Variants in ADAM18 observed in about 807,000 individuals in gnomAD.
ADAM18 encodes the protein disintegrin and metalloproteinase domain-containing protein 18.
ADAM18 carries 117 observed loss-of-function variants against 94.4 expected under a neutral mutation model. The ratio of observed to expected loss-of-function variants is 1.24; its 90% CI spans 1.07 to 1.45. The LOEUF (loss-of-function observed/expected upper bound fraction) is 1.45. Ranked by LOEUF, ADAM18 falls within the 40% of genes most tolerant of loss-of-function variation. The pLI is 0.00. For synonymous variants in ADAM18, 327 were observed against 291.6 expected (o/e 1.12, Z -1.24); for missense variants, 936 against 880.0 (o/e 1.06, Z -0.81).
At chr8:39,699,997 A>G (rs929351747) in intron 17 of ADAM18, among the ~76,000 whole-genome samples, 2 of 152,198 alleles carry the variant, frequency 1.3e-5, no homozygotes, top group Admixed American at 1.3e-4. Flanking sequence ...CTGGACACTC[A>G]GAGTGCATAG....
chr8:39,630,466 A>G (rs1450123260), intron 7 of ADAM18, among the ~76,000 whole-genome samples: 1 of 151,800 alleles, frequency 6.6e-6, no homozygotes, highest in Admixed American at 6.6e-5. Flanking sequence ...GAAAGTCTTC[A>G]TAGAATAGAT....
At chr8:39,654,218 C>T (rs1585943901) in intron 12 of ADAM18, among the ~76,000 whole-genome samples, 1 of 135,150 alleles carries the variant, frequency 7.4e-6, no homozygotes, top group African/African-American at 3.1e-5. Context: ...AGTGCAGTGG[C>T]GCGATCTCAG....
In ADAM18 at chr8:39,723,838, T is replaced by C; in HGVS notation, c.2108T>C (p.Phe703Ser). The change falls in exon 19 of 20, where the codon TTC becomes TCC. Residue 703 changes from phenylalanine (F) to serine (S), a missense_variant. Phe to Ser is a radical substitution (Grantham distance 155). Transcript: ENST00000265707. ...ATTTTTCTGCCGTTTTTCATAGTTTTCACCACTGTGATCTTTAAAAGAAAT... is the reference window on the plus strand; with the variant it reads ...ATTTTTCTGCCGTTTTTCATAGTTTCCACCACTGTGATCTTTAAAAGAAAT... ...FCIFLPFFIVFTTVIFKRNEI... is the reference protein window; with the variant it reads ...FCIFLPFFIVSTTVIFKRNEI... 3 of 1,585,124 alleles carry C rather than the reference T, an allele frequency of 1.9e-6. No individual in the cohort carries two copies. The highest frequency in any genetic ancestry group is 2.6e-6 in the Non-Finnish European group (3 of 1,164,536).
intron 14 of ADAM18, among the ~76,000 whole-genome samples, chr8:39,671,285 G>GTA (rs1388590106): frequency 1.3e-5 from 2 of 152,208 alleles, no homozygotes; most frequent in African/African-American, 4.8e-5. Flanking sequence ...ATACTTGTAA[G>GTA]AGAGAATACA....
At chr8:39,708,553 C>T (rs1379893386) in intron 18 of ADAM18, among the ~76,000 whole-genome samples, 1 of 152,170 alleles carries the variant, frequency 6.6e-6, no homozygotes, top group Non-Finnish European at 1.5e-5. Flanking sequence ...GATGGCATAA[C>T]ATTTATGCTT....
At chr8:39,723,179 AC>A (rs35859641) in intron 18 of ADAM18, among the ~76,000 whole-genome samples, 37,972 of 150,138 alleles carry the variant, frequency 0.25, 4,952 homozygotes, top group South Asian at 0.34. Context: ...TATTAAAAAA[AC>A]AAAGGTAATA....
intron 7 of ADAM18, among the ~76,000 whole-genome samples, chr8:39,636,980 C>A (rs1345815433): frequency 6.8e-6 from 1 of 146,334 alleles, no homozygotes. Flanking sequence ...ACAGGACAAC[C>A]ATATTCAAGG....
intron 17 of ADAM18, among the ~76,000 whole-genome samples, chr8:39,700,202 G>C (rs1451737): frequency 0.02 from 3,096 of 152,214 alleles, 105 homozygotes; most frequent in African/African-American, 0.071. Context: ...ATCACATAAT[G>C]ACTAGAAATT....
intron 7 of ADAM18, among the ~76,000 whole-genome samples, chr8:39,634,182 A>T (rs538060176): frequency 1.3e-5 from 2 of 152,166 alleles, no homozygotes; most frequent in Non-Finnish European, 2.9e-5. Context: ...GGGCCCAGGT[A>T]CATCTCAGAC....
intron 12 of ADAM18, among the ~76,000 whole-genome samples, chr8:39,652,585 A>G (rs1353073859): frequency 6.6e-6 from 1 of 152,222 alleles, no homozygotes; most frequent in Non-Finnish European, 1.5e-5. Context: ...ACCTTTGCAC[A>G]CTATGATGGA....
chr8:39,610,185 C>T (rs1474139358), intron 5 of ADAM18, among the ~76,000 whole-genome samples: 1 of 152,120 alleles, frequency 6.6e-6, no homozygotes, highest in Non-Finnish European at 1.5e-5. Context: ...AGTCTACATA[C>T]ATGCCGTCCC....
intron 17 of ADAM18, among the ~76,000 whole-genome samples, chr8:39,697,718 T>C (rs1166432371): frequency 1.3e-5 from 2 of 151,792 alleles, no homozygotes; most frequent in African/African-American, 4.8e-5. Context: ...ACATTTTTTC[T>C]GATAAGTGTT....
chr8:39,713,973 A>G (rs1822496736), intron 18 of ADAM18, among the ~76,000 whole-genome samples: 1 of 152,218 alleles, frequency 6.6e-6, no homozygotes. Flanking sequence ...TCATGCTACT[A>G]TAAAGACACA....
At chr8:39,603,813 T>C (rs908099700) in intron 2 of ADAM18, among the ~76,000 whole-genome samples, 2 of 152,238 alleles carry the variant, frequency 1.3e-5, no homozygotes, top group African/African-American at 4.8e-5. Context: ...CTTCTTAAAT[T>C]CTTATTAGTT....
intron 6 of ADAM18, among the ~76,000 whole-genome samples, chr8:39,616,309 C>G (rs569632814): frequency 6.6e-6 from 1 of 152,202 alleles, no homozygotes; most frequent in East Asian, 1.9e-4. Context: ...ACTGGAAAGG[C>G]TGAGGCAGGA....
intron 12 of ADAM18, among the ~76,000 whole-genome samples, chr8:39,651,021 T>C (rs1187946679): frequency 1.3e-5 from 2 of 152,166 alleles, no homozygotes; most frequent in African/African-American, 4.8e-5. Context: ...GGCAGGACAA[T>C]AGGGTAAGAG....
chr8:39,599,482 G>T (rs1341409458), intron 2 of ADAM18, among the ~76,000 whole-genome samples: 1 of 151,998 alleles, frequency 6.6e-6, no homozygotes, highest in African/African-American at 2.4e-5. Context: ...ATCCATCTGG[G>T]CCTGGTGCTT....
chr8:39,668,300 G>T, intron 14 of ADAM18, 104 bp downstream of exon 14: 1 of 1,089,314 alleles, frequency 9.2e-7, no homozygotes, highest in Non-Finnish European at 1.3e-6. Flanking sequence ...TGAACCACAA[G>T]ATTAATAAAA....
At chr8:39,590,323 A>T (rs1014195561) in intron 2 of ADAM18, among the ~76,000 whole-genome samples, 7 of 152,100 alleles carry the variant, frequency 4.6e-5, no homozygotes, top group Non-Finnish European at 8.8e-5. Context: ...TTCTCAGTAA[A>T]CTATCGCAAG....
Sources: allele counts gnomAD v4.1 joint callset (sites outside exome capture counted in the v4.1 genomes callset), GRCh38; gene constraint gnomAD v4.1.1; transcripts MANE v1.5; gene names NCBI Gene and HGNC (gene_info 2026-07-23, HGNC 2026-07-21).